KIRREL3: variants seen among roughly 807,000 people sequenced by gnomAD.
The protein encoded by KIRREL3 is kirre like nephrin family adhesion molecule 3, also known as kin of IRRE-like protein 3.
In KIRREL3, 36 loss-of-function variants were observed where a neutral mutation model predicts 89.7. That is an observed-to-expected ratio of 0.40 (90% CI 0.31 to 0.53). KIRREL3 has a LOEUF of 0.53. Ranked by LOEUF, KIRREL3 falls within the 20% of genes least tolerant of loss-of-function variation. The pLI is 0.49. For synonymous variants in KIRREL3, 445 were observed against 441.4 expected, an observed-to-expected ratio of 1.01 and a Z score of -0.10; for missense variants, 864 against 1,056.6, an observed-to-expected ratio of 0.82 and a Z score of 2.53.
Position 126,867,377 on chromosome 11 carries a change from G to A in KIRREL3, c.55+133078C>T, listed in dbSNP as rs1237992657. On this transcript the variant is annotated intron_variant, in intron 1 of 16. Transcript: ENST00000525144. The surrounding 1 kb of genome is among the most constrained non-coding windows in gnomAD (Gnocchi z 4.7). ...TACACACGGCCTGCCTTAGCCATCA[G>A]GCTTCCCATTCGGCTGTTCTCCAGC... Among the ~76,000 whole-genome samples, 2 of 152,156 alleles carry A rather than the reference G, an allele frequency of 1.3e-5. No homozygotes were observed. The highest frequency in any genetic ancestry group is 4.8e-5 in the African/African-American group (2 of 41,444).
chr11:126,711,928 G>T (rs1398684644), intron 1 of KIRREL3, among the ~76,000 whole-genome samples: 1 of 152,116 alleles, frequency 6.6e-6, no homozygotes, highest in East Asian at 1.9e-4. Context: ...ATATTCTAGG[G>T]ACACCAAAGA....
chr11:126,762,843 G>C (rs1420137609), intron 1 of KIRREL3, among the ~76,000 whole-genome samples: 2 of 152,172 alleles, frequency 1.3e-5, no homozygotes, highest in African/African-American at 4.8e-5. Flanking sequence ...CAGGCTATCT[G>C]TGGCTTAATG....
At chr11:126,581,024 C>A (rs908730366) in intron 1 of KIRREL3, among the ~76,000 whole-genome samples, 1 of 152,068 alleles carries the variant, frequency 6.6e-6, no homozygotes, top group African/African-American at 2.4e-5. Context: ...GGTTAGACAG[C>A]CCTTCTCAAA....
rs1944036156 is a variant in KIRREL3, at chr11:126,843,582, G to T, written c.55+156873C>A. ...TGGAGTCCCGACGGCTAGTGAGTGG[G>T]ACCGTCAGAGGTGTTTGAACCAGAG... is the stretch of plus-strand genomic sequence containing the variant. On this transcript the variant is annotated intron_variant, in intron 1 of 16. Coordinates refer to ENST00000525144, the MANE Select transcript of KIRREL3 (RefSeq NM_032531.4). This position sits in a 1 kb window ranked among gnomAD's most constrained non-coding sequence, Gnocchi z 4.6. 6.6e-6 allele frequency among the ~76,000 whole-genome samples: 1 copy of T among 152,184 alleles called. No individual in the cohort carries two copies. The highest frequency in any genetic ancestry group is 2.4e-5 in the African/African-American group (1 of 41,442).
intron 1 of KIRREL3, among the ~76,000 whole-genome samples, chr11:126,777,765 C>T (rs1950210808): frequency 6.6e-6 from 1 of 151,882 alleles, no homozygotes; most frequent in South Asian, 2.1e-4. Context: ...AACATCTTTC[C>T]ATGTCCATAA....
intron 1 of KIRREL3, among the ~76,000 whole-genome samples, chr11:126,823,211 G>A (rs1233758462): frequency 6.6e-6 from 1 of 152,184 alleles, no homozygotes; most frequent in Non-Finnish European, 1.5e-5. Flanking sequence ...TAGAAGGACT[G>A]GTGCTAGGTA....
In KIRREL3 at chr11:126,908,777, G is replaced by A. The variant is rs1023306811; in HGVS notation, c.55+91678C>T. Among the ~76,000 whole-genome samples, 4 of 152,022 alleles carry A rather than the reference G, an allele frequency of 2.6e-5. No homozygotes were observed. Among genetic ancestry groups the A allele is most frequent in the East Asian group, 1.9e-4 (1 of 5,178 alleles). On this transcript the variant is annotated intron_variant, in intron 1 of 16. Coordinates refer to ENST00000525144, the MANE Select transcript of KIRREL3 (RefSeq NM_032531.4). This position sits in a 1 kb window ranked among gnomAD's most constrained non-coding sequence, Gnocchi z 4.2. ...TAGTCTAGGTAGGAAGATAAATGTC[G>A]AACAAAGACTCAGGCAAATATATGC...
At position 126,626,640 on chromosome 11, in the gene KIRREL3, C is replaced by T. The variant is rs113220273; in HGVS notation, c.56-63728G>A. ...AAAAATATTTCATTATTTTAACAAC[C>T]GGCCCTGGTACTGCTCCACCGGTGC... is the stretch of plus-strand genomic sequence containing the variant. On this transcript the variant is annotated intron_variant, in intron 1 of 16. Coordinates refer to ENST00000525144, the MANE Select transcript of KIRREL3 (RefSeq NM_032531.4). Among the ~76,000 whole-genome samples the T allele has an allele frequency of 3.3e-3, 498 of 152,308 alleles. 1 individual carries two copies. The highest frequency in any genetic ancestry group is 5.3e-3 in the Non-Finnish European group (363 of 68,034).
intron 2 of KIRREL3, among the ~76,000 whole-genome samples, chr11:126,529,682 G>T (rs1245892703): frequency 1.3e-5 from 2 of 151,098 alleles, no homozygotes; most frequent in African/African-American, 4.9e-5. Context: ...TGGAAAGACT[G>T]TTTCTGGGGA....
intron 1 of KIRREL3, among the ~76,000 whole-genome samples, chr11:126,714,750 C>G (rs975746133): frequency 6.6e-6 from 1 of 152,168 alleles, no homozygotes; most frequent in Non-Finnish European, 1.5e-5. Context: ...TTCCTCCCTC[C>G]CCTACCAGGG....
At chr11:126,733,431 C>A (rs191902542) in intron 1 of KIRREL3, among the ~76,000 whole-genome samples, 239 of 152,290 alleles carry the variant, frequency 1.6e-3, no homozygotes, top group African/African-American at 5.4e-3. Flanking sequence ...GGATGCAATG[C>A]GCTGGGGAGA....
intron 1 of KIRREL3, among the ~76,000 whole-genome samples, chr11:126,804,907 C>G (rs367661979): frequency 1.3e-3 from 192 of 152,266 alleles, no homozygotes; most frequent in African/African-American, 4.5e-3. Context: ...ACTCTTGTGA[C>G]TTGTTCCACA....
chr11:126,905,334 T>A lies in KIRREL3; in HGVS notation c.55+95121A>T, dbSNP rs1946536111. Among the ~76,000 whole-genome samples, 1 of 152,100 alleles carries A rather than the reference T, an allele frequency of 6.6e-6. No homozygotes were observed. Among genetic ancestry groups the A allele is most frequent in the Non-Finnish European group, 1.5e-5 (1 of 68,022 alleles). On this transcript the variant is annotated intron_variant, in intron 1 of 16. Coordinates refer to ENST00000525144, the MANE Select transcript of KIRREL3 (RefSeq NM_032531.4). This position sits in a 1 kb window ranked among gnomAD's most constrained non-coding sequence, Gnocchi z 5.0. ...GGAATACAGGATTCCTGGGAGTTGA[T>A]GGGAAACTTCTAACCTTCAACTGCC...
rs1946640201 is a variant in KIRREL3 at position 126,685,750 on chromosome 11, C to T, written c.56-122838G>A. On this transcript the variant is annotated intron_variant, in intron 1 of 16. Coordinates refer to ENST00000525144, the MANE Select transcript of KIRREL3 (RefSeq NM_032531.4). The surrounding 1 kb of genome is among the most constrained non-coding windows in gnomAD (Gnocchi z 5.5). ...CCTATGACGGCAAATGTCTCCCCAC[C>T]GTCGGCAGCATCTTGGCCATTCAGA... 6.6e-6 allele frequency among the ~76,000 whole-genome samples: 1 copy of T among 152,216 alleles called. No homozygotes were observed. The highest frequency in any genetic ancestry group is 2.1e-4 in the South Asian group (1 of 4,830).
At chr11:126,784,733 GT>G (rs1950432189) in intron 1 of KIRREL3, among the ~76,000 whole-genome samples, 1 of 151,990 alleles carries the variant, frequency 6.6e-6, no homozygotes, top group Admixed American at 6.6e-5. Flanking sequence ...GGGTGCCCTT[GT>G]GCAGTGAACA....
chr11:126,878,069 T>C (rs886581628), intron 1 of KIRREL3, among the ~76,000 whole-genome samples: 2 of 152,196 alleles, frequency 1.3e-5, no homozygotes, highest in South Asian at 2.1e-4. Context: ...TTCTACCCTA[T>C]GGCCTTTCAT....
rs887455725 is a variant in KIRREL3, at chr11:126,471,134, G to A, written c.591+2175C>T. 5.3e-5 allele frequency among the ~76,000 whole-genome samples: 8 copies of A among 152,086 alleles called. No homozygotes were observed. Among genetic ancestry groups the A allele is most frequent in the African/African-American group, 1.9e-4 (8 of 41,414 alleles). ...GCACTTTGGGAGGCTGAGGCAGGTG[G>A]ATCACCTGAGGTCGGGAGTTTGAGA... On this transcript the variant is annotated intron_variant, in intron 5 of 16. Coordinates refer to ENST00000525144, the MANE Select transcript of KIRREL3 (RefSeq NM_032531.4). This position sits in a 1 kb window ranked among gnomAD's most constrained non-coding sequence, Gnocchi z 5.4.
chr11:126,516,540 C>T lies in KIRREL3; in HGVS notation c.433+4775G>A, dbSNP rs891490894. 5.9e-5 allele frequency among the ~76,000 whole-genome samples: 9 copies of T among 152,182 alleles called. No homozygotes were observed. Among genetic ancestry groups the T allele is most frequent in the African/African-American group, 1.4e-4 (6 of 41,442 alleles). ...CCAGGGCAAGGATGGTTTTCTCTTTCGTTTCCTGATGAATCCCACGTGTCT... is the reference window on the plus strand; with the variant it reads ...CCAGGGCAAGGATGGTTTTCTCTTTTGTTTCCTGATGAATCCCACGTGTCT... On this transcript the variant is annotated intron_variant, in intron 4 of 16. Coordinates refer to ENST00000525144, the MANE Select transcript of KIRREL3 (RefSeq NM_032531.4). This position sits in a 1 kb window ranked among gnomAD's most constrained non-coding sequence, Gnocchi z 4.9.
chr11:126,989,385 C>T lies in KIRREL3; in HGVS notation c.55+11070G>A, dbSNP rs1049229666. ...CTGATGCAGAGAGAGCGGCAAGGGA[C>T]TCTGATGGTGAGTCAGCTGAGGGAA... On this transcript the variant is annotated intron_variant, in intron 1 of 16. Transcript: ENST00000525144. The surrounding 1 kb of genome is among the most constrained non-coding windows in gnomAD (Gnocchi z 6.2). 6.6e-6 allele frequency among the ~76,000 whole-genome samples: 1 copy of T among 152,124 alleles called. No individual in the cohort carries two copies. Among genetic ancestry groups the T allele is most frequent in the Admixed American group, 6.5e-5 (1 of 15,276 alleles).
Sources: allele counts gnomAD v4.1 joint callset (sites outside exome capture counted in the v4.1 genomes callset), GRCh38; gene constraint gnomAD v4.1.1; non-coding constraint Gnocchi (gnomAD v3.1); transcripts MANE v1.5; gene names NCBI Gene and HGNC (gene_info 2026-07-23, HGNC 2026-07-21).